Variants in LHX4 observed in about 807,000 individuals in gnomAD.
LHX4 encodes LIM/homeobox protein Lhx4.
A neutral mutation model predicts 39.2 loss-of-function variants in LHX4; 16 were observed. The observed-to-expected ratio is 0.41, with a 90% CI of 0.28 to 0.62. The LOEUF is 0.62. LHX4 is among the 20% of genes least tolerant of loss of function. LHX4 has a pLI of 0.33. For missense variants in LHX4, 439 were observed against 511.9 expected (o/e 0.86, Z 1.37); for synonymous variants, 206 against 198.1 (o/e 1.04, Z -0.33).
chr1:180,271,100 G>A (rs1003089742), intron 3 of LHX4: 9 of 513,686 alleles, frequency 1.8e-5, no homozygotes, highest in Middle Eastern at 5.4e-4. Flanking sequence ...TCAATCTGAT[G>A]AGACTTCTGT....
intron 1 of LHX4, among the ~76,000 whole-genome samples, chr1:180,233,544 C>A (rs1364965352): frequency 1.3e-5 from 2 of 152,254 alleles, no homozygotes; most frequent in Non-Finnish European, 2.9e-5. Flanking sequence ...CCCCGCGGAC[C>A]TCAGCAGTCC....
chr1:180,271,631 C>A lies in LHX4; in HGVS notation c.606+97C>A. On this transcript the variant is annotated intron_variant, in intron 4 of 5. Coordinates refer to ENST00000263726, the MANE Select transcript of LHX4 (RefSeq NM_033343.4). ...ACATCAGCTCACGGGTGGTTGGGCTCAGGGCTTGACCCCAGGGCTTTTGCC... is the reference window on the plus strand; with the variant it reads ...ACATCAGCTCACGGGTGGTTGGGCTAAGGGCTTGACCCCAGGGCTTTTGCC... 1.3e-5 allele frequency: 19 copies of A among 1,491,018 alleles called. No homozygotes were observed. In the South Asian group the frequency reaches 2.2e-4, roughly 17 times the overall value. 92.4% of individuals were successfully genotyped at this position (1,491,018 alleles called of 1,614,324 possible).
intron 1 of LHX4, among the ~76,000 whole-genome samples, chr1:180,233,812 G>C (rs894708653): frequency 6.6e-6 from 1 of 152,082 alleles, no homozygotes; most frequent in East Asian, 1.9e-4. Flanking sequence ...AGGCCTGGGG[G>C]TCTCTGTCCC....
chr1:180,253,990 C>T (rs555948091), intron 2 of LHX4, among the ~76,000 whole-genome samples: 1 of 152,074 alleles, frequency 6.6e-6, no homozygotes, highest in Non-Finnish European at 1.5e-5. Flanking sequence ...GAGAAACAAA[C>T]CATTATGGAG....
In LHX4 at chr1:180,275,068, T is replaced by C. The variant is rs781370335; in HGVS notation, c.*489T>C. ...TCTGGACCATCCTTATTGAACCCTA[T>C]ATTTCAAAATGAAAAGATCAGTTAT... On this transcript the variant is annotated 3_prime_UTR_variant, in exon 6 of 6. Transcript: ENST00000263726. 20 of 153,466 alleles carry C rather than the reference T, an allele frequency of 1.3e-4. No homozygotes were observed. Among genetic ancestry groups the C allele is most frequent in the Non-Finnish European group, 2.5e-4 (17 of 68,926 alleles). 9.5% of individuals were successfully genotyped at this position (153,466 alleles called of 1,614,324 possible).
At chr1:180,252,074 G>T (rs532689448) in intron 2 of LHX4, among the ~76,000 whole-genome samples, 1 of 152,214 alleles carries the variant, frequency 6.6e-6, no homozygotes, top group African/African-American at 2.4e-5. Context: ...GCAGCAGGCT[G>T]TCCAGCATCT....
chr1:180,266,520 C>T lies in LHX4; in HGVS notation c.377C>T (p.Thr126Met), dbSNP rs779490520. 1.9e-5 allele frequency: 31 copies of T among 1,614,092 alleles called. No individual in the cohort carries two copies. The highest frequency in any genetic ancestry group is 5.5e-5 in the South Asian group (5 of 91,092). ...ATCATCTGCAACCGGCAGCTGGCCA[C>T]GGGGGACGAATTCTACCTCATGGAG... is the stretch of plus-strand genomic sequence containing the variant. ...ACIICNRQLA[T>M]GDEFYLMEDG... Residue 126 changes from threonine (T) to methionine (M), a missense_variant, in exon 3 of 6, where the codon ACG becomes ATG. Thr to Met is a moderately conservative substitution (Grantham distance 81, BLOSUM62 -1). Transcript: ENST00000263726. The surrounding 1 kb of genome is among the most constrained non-coding windows in gnomAD (Gnocchi z 5.7).
chr1:180,246,394 A>C (rs1039810318), intron 1 of LHX4, among the ~76,000 whole-genome samples: 1 of 152,244 alleles, frequency 6.6e-6, no homozygotes, highest in African/African-American at 2.4e-5. Context: ...TTATATCACA[A>C]CCAACAAATA....
chr1:180,228,388 C>G (rs900950426), upstream of LHX4, among the ~76,000 whole-genome samples: 1 of 152,154 alleles, frequency 6.6e-6, no homozygotes, highest in Non-Finnish European at 1.5e-5. Context: ...AAGCACCCAG[C>G]AGTATTGGTG....
At chr1:180,261,825 A>C (rs188793040) in intron 2 of LHX4, among the ~76,000 whole-genome samples, 198 of 152,318 alleles carry the variant, frequency 1.3e-3, no homozygotes, top group Non-Finnish European at 2.3e-3. Flanking sequence ...AGGAACTGCC[A>C]ACCAGGACTG....
In LHX4 at chr1:180,276,099, C is replaced by T. The variant is rs1452227120; in HGVS notation, c.*1520C>T. 1 of 152,034 alleles carries T rather than the reference C, an allele frequency of 6.6e-6. No individual in the cohort carries two copies. Among genetic ancestry groups the T allele is most frequent in the Non-Finnish European group, 1.5e-5 (1 of 68,030 alleles). The allele number at this position is 152,034 out of a possible 1,614,324, so 9.4% of individuals were successfully genotyped here. On this transcript the variant is annotated 3_prime_UTR_variant, in exon 6 of 6. Coordinates refer to ENST00000263726, the MANE Select transcript of LHX4 (RefSeq NM_033343.4). ...CTGTCCCTCTGGGAAGCTGTGTTTGCTTCTTCTGGCCTCCCATTCTCTTAA... is the reference window on the plus strand; with the variant it reads ...CTGTCCCTCTGGGAAGCTGTGTTTGTTTCTTCTGGCCTCCCATTCTCTTAA...
At chr1:180,261,105 C>A (rs543642205) in intron 2 of LHX4, among the ~76,000 whole-genome samples, 1 of 151,940 alleles carries the variant, frequency 6.6e-6, no homozygotes, top group South Asian at 2.1e-4. Context: ...CTTAGAAAAG[C>A]TTTTGGCTGG....
rs754434517 is a variant in LHX4 at position 180,271,895 on chromosome 1, C to A, written c.667C>A (p.Arg223Ser). The change falls in exon 5 of 6, where the codon CGC (arginine) becomes AGC (serine). Residue 223 changes from arginine to serine, a missense_variant. Transcript: ENST00000263726. ...KRLKKDAGRH[R>S]WGQFYKSVKR... ...CCTGAAGAAGGATGCAGGGCGGCACCGCTGGGGGCAGTTCTATAAGAGCGT... is the reference window on the plus strand; with the variant it reads ...CCTGAAGAAGGATGCAGGGCGGCACAGCTGGGGGCAGTTCTATAAGAGCGT... 6.2e-7 allele frequency: 1 copy of A among 1,613,524 alleles called. No homozygotes were observed. The highest frequency in any genetic ancestry group is 1.3e-5 in the African/African-American group (1 of 74,812).
intron 2 of LHX4, among the ~76,000 whole-genome samples, chr1:180,265,848 T>C (rs957251388): frequency 2.0e-5 from 3 of 152,166 alleles, no homozygotes; most frequent in Admixed American, 2.0e-4. Context: ...AGAACAGCTG[T>C]CAGGACAGCC....
At chr1:180,251,554 CCT>C (rs1647628589) in intron 2 of LHX4, among the ~76,000 whole-genome samples, 1 of 152,186 alleles carries the variant, frequency 6.6e-6, no homozygotes. Flanking sequence ...TTTTCTGTCC[CCT>C]GTGTAAGCCC....
intron 1 of LHX4, among the ~76,000 whole-genome samples, chr1:180,244,003 C>T (rs1461465204): frequency 1.3e-5 from 2 of 152,190 alleles, no homozygotes; most frequent in Non-Finnish European, 2.9e-5. Flanking sequence ...GGAATTCTGG[C>T]TCCCCCACCG....
intron 2 of LHX4, among the ~76,000 whole-genome samples, chr1:180,260,140 G>A (rs191901568): frequency 4.0e-5 from 6 of 151,834 alleles, no homozygotes; most frequent in Non-Finnish European, 8.8e-5. Context: ...GAGTGCCGGG[G>A]CATTGGGCTG....
intron 2 of LHX4, among the ~76,000 whole-genome samples, chr1:180,264,593 G>A (rs531641599): frequency 6.6e-6 from 1 of 152,304 alleles, no homozygotes; most frequent in South Asian, 2.1e-4. Context: ...TACAAGTATG[G>A]TGCTTTATCT....
At chr1:180,255,387 CGCACACACGCGTGCACACACAT>C (rs1282759939) in intron 2 of LHX4, among the ~76,000 whole-genome samples, 1 of 152,142 alleles carries the variant, frequency 6.6e-6, no homozygotes, top group Admixed American at 6.5e-5. Flanking sequence ...CATACACACA[CGCACACACGCGTGCACACACAT>C]GCACACACAC....
Sources: gnomAD v4.1 joint callset for allele counts (sites outside exome capture counted in the v4.1 genomes callset) on GRCh38, gnomAD v4.1.1 for gene constraint, Gnocchi (gnomAD v3.1) non-coding constraint, MANE v1.5 for transcripts, NCBI Gene and HGNC (gene_info 2026-07-23, HGNC 2026-07-21) for gene names.